The following ADAM23 variants were observed in gnomAD, a reference collection of about 807,000 sequenced individuals.
The protein encoded by ADAM23 is ADAM metallopeptidase domain 23, also known as disintegrin and metalloproteinase domain-containing protein 23.
In ADAM23, 33 loss-of-function variants were observed where a neutral mutation model predicts 120.1. The ratio of observed to expected loss-of-function variants is 0.27; its 90% CI spans 0.21 to 0.37. The LOEUF is 0.37. ADAM23 is among the 10% of genes least tolerant of loss of function. ADAM23 has a pLI of 1.00. For synonymous variants in ADAM23, 367 were observed against 375.2 expected (o/e 0.98, Z 0.25); for missense variants, 862 against 1,058.2 (o/e 0.81, Z 2.57).
At chr2:206,492,570 A>C (rs562213945) in intron 3 of ADAM23, among the ~76,000 whole-genome samples, 1 of 152,326 alleles carries the variant, frequency 6.6e-6, no homozygotes, top group East Asian at 1.9e-4. Flanking sequence ...TCCAAGACCA[A>C]GCCTTGATAT....
chr2:206,521,975 T>C lies in ADAM23; in HGVS notation c.510-8910T>C, dbSNP rs930361148. The stretch of plus-strand genomic sequence containing the variant: ...CTCTTTCATTATTTTAATTCACAGG[T>C]ATTTTATTGCTAGTGCAGCTGTAGG... On this transcript the variant is annotated intron_variant, in intron 3 of 25. Transcript: ENST00000264377. Among the ~76,000 whole-genome samples, 170 of 152,324 alleles carry C rather than the reference T, an allele frequency of 1.1e-3. 1 individual carries two copies. The highest frequency in any genetic ancestry group is 2.2e-4 in the Non-Finnish European group (15 of 68,028).
At chr2:206,596,693 A>G (rs559594400) in intron 24 of ADAM23, among the ~76,000 whole-genome samples, 21 of 152,266 alleles carry the variant, frequency 1.4e-4, no homozygotes, top group African/African-American at 4.8e-4. Context: ...AGTCATTAAG[A>G]GGAGAGAAAT....
At chr2:206,469,078 T>G (rs1200284773) in intron 2 of ADAM23, among the ~76,000 whole-genome samples, 1 of 152,176 alleles carries the variant, frequency 6.6e-6, no homozygotes, top group African/African-American at 2.4e-5. Context: ...CATGATCACC[T>G]CCTACTAGAC....
chr2:206,618,769 A>G lies in ADAM23; in HGVS notation c.*1142A>G, dbSNP rs1033543405. On this transcript the variant is annotated 3_prime_UTR_variant, in exon 26 of 26. Coordinates refer to ENST00000264377, the MANE Select transcript of ADAM23 (RefSeq NM_003812.4). ...AAGACACAAAATTATGTAAATGGAA[A>G]TATATGTACTAAGTTTCGAAAATTT... The G allele has an allele frequency of 2.0e-5, 3 of 152,320 alleles. No homozygotes were observed. Among genetic ancestry groups the G allele is most frequent in the Middle Eastern group, 3.4e-3 (1 of 294 alleles). The allele number at this position is 152,320 out of a possible 1,614,324, so 9.4% of individuals were successfully genotyped here.
At chr2:206,549,944 A>G in intron 8 of ADAM23, 151 bp from the exon 9 acceptor site, 1 of 434,300 alleles carries the variant, frequency 2.3e-6, no homozygotes, top group Non-Finnish European at 4.2e-6. Context: ...ACTTTTTAAA[A>G]TTTGCCTGAC....
At chr2:206,477,656 A>G (rs1455271266) in intron 2 of ADAM23, among the ~76,000 whole-genome samples, 1 of 151,992 alleles carries the variant, frequency 6.6e-6, no homozygotes, top group African/African-American at 2.4e-5. Context: ...GTATTACTGA[A>G]CACATTTCTA....
At chr2:206,572,280 G>A (rs541521678) in intron 17 of ADAM23, among the ~76,000 whole-genome samples, 41 of 152,246 alleles carry the variant, frequency 2.7e-4, no homozygotes, top group African/African-American at 9.6e-4. Flanking sequence ...AGATAGGAAA[G>A]TAACATATGA....
At chr2:206,551,632 G>T (rs2105814778) in intron 9 of ADAM23, among the ~76,000 whole-genome samples, 1 of 152,254 alleles carries the variant, frequency 6.6e-6, no homozygotes, top group Non-Finnish European at 1.5e-5. Context: ...TGATAAGGTT[G>T]TGCTTCATGC....
chr2:206,589,913 A>G (rs1698393856), intron 21 of ADAM23, among the ~76,000 whole-genome samples: 1 of 152,206 alleles, frequency 6.6e-6, no homozygotes, highest in Non-Finnish European at 1.5e-5. Flanking sequence ...TATTTTTGCG[A>G]CCAACGTGAA....
intron 13 of ADAM23, among the ~76,000 whole-genome samples, chr2:206,563,764 C>G (rs919212393): frequency 3.3e-5 from 5 of 150,188 alleles, no homozygotes; most frequent in African/African-American, 1.2e-4. Context: ...GAGTCTCACT[C>G]TGTCTCCCAG....
rs1208216861 is a variant in ADAM23 at position 206,617,574 on chromosome 2, G to T, written c.2451-5G>T. The T allele has an allele frequency of 1.2e-6, 2 of 1,602,852 alleles. No individual in the cohort carries two copies. Among genetic ancestry groups the T allele is most frequent in the South Asian group, 2.3e-5 (2 of 88,404 alleles). Reference sequence around the variant, plus strand: ...CTTGCATCTTCTTTTGACTCACTCTGGAAGAAATGTCAAGAAGAGAAGGTT... The same window carrying T: ...CTTGCATCTTCTTTTGACTCACTCTTGAAGAAATGTCAAGAAGAGAAGGTT... On this transcript the variant is annotated splice_region_variant and splice_polypyrimidine_tract_variant and intron_variant, in intron 25 of 25. Transcript: ENST00000264377.
chr2:206,485,947 C>T (rs1696003572), intron 3 of ADAM23, among the ~76,000 whole-genome samples: 1 of 152,190 alleles, frequency 6.6e-6, no homozygotes, highest in African/African-American at 2.4e-5. Context: ...TTCTGCACAG[C>T]TGGGACAGCA....
intron 3 of ADAM23, among the ~76,000 whole-genome samples, chr2:206,511,011 T>A (rs1696612110): frequency 6.6e-6 from 1 of 152,206 alleles, no homozygotes; most frequent in African/African-American, 2.4e-5. Context: ...CTCTTCCATG[T>A]GTTTTATTTA....
chr2:206,582,578 C>T (rs1307665572), intron 18 of ADAM23, among the ~76,000 whole-genome samples: 1 of 152,104 alleles, frequency 6.6e-6, no homozygotes, highest in Non-Finnish European at 1.5e-5. Context: ...TTTCATCATG[C>T]TCTTTGTTGC....
intron 24 of ADAM23, among the ~76,000 whole-genome samples, chr2:206,596,971 A>G (rs1698540096): frequency 7.0e-6 from 1 of 141,968 alleles, no homozygotes; most frequent in South Asian, 2.2e-4. Flanking sequence ...GTAGTGGCAC[A>G]ATCATGGCTC....
chr2:206,554,082 A>G (rs922373366), intron 9 of ADAM23, among the ~76,000 whole-genome samples: 20 of 152,334 alleles, frequency 1.3e-4, no homozygotes, highest in African/African-American at 4.6e-4. Context: ...TATATGCAAA[A>G]TTAGTTCTAA....
chr2:206,517,944 C>T (rs115256218), intron 3 of ADAM23, among the ~76,000 whole-genome samples: 1 of 152,144 alleles, frequency 6.6e-6, no homozygotes. Context: ...CTCTCTTTTT[C>T]TGTGTCAGTC....
At chr2:206,616,546 C>T (rs941605850) in intron 25 of ADAM23, among the ~76,000 whole-genome samples, 1 of 152,058 alleles carries the variant, frequency 6.6e-6, no homozygotes, top group Non-Finnish European at 1.5e-5. Flanking sequence ...GCCTTTATAC[C>T]TATTTTGAGC....
chr2:206,537,783 C>T (rs1052323730), intron 4 of ADAM23, among the ~76,000 whole-genome samples: 1 of 152,026 alleles, frequency 6.6e-6, no homozygotes, highest in Non-Finnish European at 1.5e-5. Flanking sequence ...AGAATTTTTT[C>T]CCTAGTCTTT....
Sources: gnomAD v4.1 joint callset for allele counts (sites outside exome capture counted in the v4.1 genomes callset) on GRCh38, gnomAD v4.1.1 for gene constraint, MANE v1.5 for transcripts, NCBI Gene and HGNC (gene_info 2026-07-23, HGNC 2026-07-21) for gene names.